NCF4: variants seen among roughly 807,000 people sequenced by gnomAD.
NCF4 encodes neutrophil cytosol factor 4.
Under a neutral mutation model 41.7 loss-of-function variants are expected in NCF4, and 30 were observed. The ratio of observed to expected loss-of-function variants is 0.72; its 90% CI spans 0.54 to 0.97. The LOEUF (loss-of-function observed/expected upper bound fraction) is 0.97. Among genes scored for constraint, NCF4 ranks in the 50% least tolerant of loss-of-function variants. The pLI, the probability that NCF4 is intolerant of heterozygous loss-of-function variation, is 0.00. For synonymous variants in NCF4, 195 were observed against 175.8 expected (o/e 1.11, Z -0.87); for missense variants, 432 against 460.9 (o/e 0.94, Z 0.57).
chr22:36,870,017 G>A (rs1940015396), intron 4 of NCF4: 1 of 329,252 alleles, frequency 3.0e-6, no homozygotes, highest in African/African-American at 2.2e-5. Flanking sequence ...GTGGCCTTGA[G>A]CATATCCCTT....
intron 1 of NCF4, among the ~76,000 whole-genome samples, chr22:36,863,221 G>T (rs1418838321): frequency 6.6e-6 from 1 of 152,172 alleles, no homozygotes; most frequent in East Asian, 1.9e-4. Context: ...GCACTGGGAT[G>T]TAGGGTGAGC....
At chr22:36,861,241 C>A in intron 1 of NCF4, 38 bp downstream of exon 1, 1 of 1,550,222 alleles carries the variant, frequency 6.5e-7, no homozygotes, top group Non-Finnish European at 8.7e-7. Context: ...GGCCTTCTCA[C>A]TGCTCCTCAT....
At chr22:36,863,553 T>C in intron 1 of NCF4, among the ~76,000 whole-genome samples, 1 of 151,192 alleles carries the variant, frequency 6.6e-6, no homozygotes, top group African/African-American at 2.4e-5. Context: ...TCTCATCACG[T>C]TCCACCTCCT....
At chr22:36,863,389 G>C (rs1939830465) in intron 1 of NCF4, among the ~76,000 whole-genome samples, 1 of 151,660 alleles carries the variant, frequency 6.6e-6, no homozygotes, top group South Asian at 2.1e-4. Flanking sequence ...TGATCTTCTT[G>C]TCCCCAGTGC....
At chr22:36,875,804 G>T in intron 8 of NCF4, 21 bp downstream of exon 8, 2 of 1,614,100 alleles carry the variant, frequency 1.2e-6, no homozygotes, top group Non-Finnish European at 1.7e-6. Flanking sequence ...TGGGAGGGAG[G>T]GGCCTGTCCA....
chr22:36,871,595 G>C (rs1940055766), intron 5 of NCF4, 57 bp from the exon 6 acceptor site: 17 of 1,538,192 alleles, frequency 1.1e-5, no homozygotes, highest in Non-Finnish European at 1.5e-5. Flanking sequence ...CACAGGAGCA[G>C]GAAGCTGGGC....
chr22:36,867,502 T>C (rs750091564), intron 4 of NCF4, 40 bp downstream of exon 4: 46 of 1,606,650 alleles, frequency 2.9e-5, no homozygotes, highest in African/African-American at 2.7e-5. Context: ...TGGAAGGGCA[T>C]GCAGTATTGG....
intron 5 of NCF4, among the ~76,000 whole-genome samples, chr22:36,870,892 C>T (rs928617428): frequency 6.6e-6 from 1 of 152,216 alleles, no homozygotes; most frequent in Admixed American, 6.5e-5. Context: ...CAAACATTCT[C>T]TGAGCATCTC....
In NCF4 at chr22:36,870,432, G is replaced by C; in HGVS notation, c.360G>C (p.Pro120=). The C allele has an allele frequency of 1.2e-6, 2 of 1,613,956 alleles. No individual in the cohort carries two copies. Among genetic ancestry groups the C allele is most frequent in the Non-Finnish European group, 1.7e-6 (2 of 1,180,032 alleles). The change falls in exon 5 of 10, where the codon CCG becomes CCC. Residue 120 remains proline, a synonymous_variant. Coordinates refer to ENST00000248899, the MANE Select transcript of NCF4 (RefSeq NM_000631.5). ...NAYMKSLLSL[P]VWVLMDEDVR... ...CCACACAGAGCCTGCTCAGCCTGCCGGTCTGGGTGCTGATGGATGAGGACG... is the reference window on the plus strand; with the variant it reads ...CCACACAGAGCCTGCTCAGCCTGCCCGTCTGGGTGCTGATGGATGAGGACG...
At chr22:36,864,521 CCT>C (rs1251745475) in intron 2 of NCF4, among the ~76,000 whole-genome samples, 1 of 152,102 alleles carries the variant, frequency 6.6e-6, no homozygotes, top group Non-Finnish European at 1.5e-5. Flanking sequence ...CCACAACACC[CCT>C]GTCATATTCA....
At chr22:36,866,676 A>G (rs1291618936) in intron 3 of NCF4, among the ~76,000 whole-genome samples, 1 of 152,130 alleles carries the variant, frequency 6.6e-6, no homozygotes, top group Non-Finnish European at 1.5e-5. Context: ...GGCAGGTTTC[A>G]GACTTGCTTC....
At chr22:36,866,537 G>C (rs1939930849) in intron 3 of NCF4, among the ~76,000 whole-genome samples, 2 of 152,062 alleles carry the variant, frequency 1.3e-5, no homozygotes, top group Non-Finnish European at 2.9e-5. Context: ...CACTCACCCT[G>C]GCAAACTGAC....
Position 36,877,657 on chromosome 22 carries a change from T to C in NCF4, c.854T>C (p.Leu285Pro). 1 of 1,614,214 alleles carries C rather than the reference T, an allele frequency of 6.2e-7. No homozygotes were observed. The change falls in exon 10 of 10, where the codon CTG (leucine) becomes CCG (proline). Residue 285 changes from leucine to proline, a missense_variant. Coordinates refer to ENST00000248899, the MANE Select transcript of NCF4 (RefSeq NM_000631.5). ...GAGTTCCAGAGAGAGGACATAGCTC[T>C]GAATTACCGGGACGCTGAGGGGGAT... Reference protein sequence around the residue: ...RREFQREDIALNYRDAEGDLV... With the variant: ...RREFQREDIAPNYRDAEGDLV...
intron 7 of NCF4, among the ~76,000 whole-genome samples, chr22:36,874,633 G>GA (rs1281084212): frequency 1.3e-5 from 2 of 152,208 alleles, no homozygotes; most frequent in Non-Finnish European, 2.9e-5. Context: ...GCCTCAGGTT[G>GA]AAGGTGGGGG....
At chr22:36,866,837 C>A (rs966781138) in intron 3 of NCF4, among the ~76,000 whole-genome samples, 1 of 152,204 alleles carries the variant, frequency 6.6e-6, no homozygotes, top group Non-Finnish European at 1.5e-5. Flanking sequence ...ATCCACTTAA[C>A]AAATGCTCAT....
rs564821226 is a variant in NCF4, at chr22:36,867,525, C to A, written c.342+63C>A. ...CATGCAGTATTGGTGGGGGAGCCCA[C>A]GTACCATCCCTGGGTATGGCTTTGG... On this transcript the variant is annotated intron_variant, in intron 4 of 9. Transcript: ENST00000248899. The A allele has an allele frequency of 1.1e-3, 1,676 of 1,552,006 alleles. 35 individuals are homozygous for A. In the South Asian group the frequency reaches 0.017, roughly 16 times the overall value.
chr22:36,863,213 A>G (rs952753028), intron 1 of NCF4, among the ~76,000 whole-genome samples: 5 of 152,240 alleles, frequency 3.3e-5, no homozygotes, highest in Middle Eastern at 3.4e-3. Context: ...TGTTCTGGGC[A>G]CTGGGATGTA....
chr22:36,861,024 C>A lies in NCF4; in HGVS notation c.-148C>A, dbSNP rs1055635128. The A allele has an allele frequency of 9.5e-7, 1 of 1,052,030 alleles. No individual in the cohort carries two copies. Among genetic ancestry groups the A allele is most frequent in the Admixed American group, 2.0e-5 (1 of 50,226 alleles). 65.2% of individuals were successfully genotyped at this position (1,052,030 alleles called of 1,614,324 possible). On this transcript the variant is annotated 5_prime_UTR_variant, in exon 1 of 10. Coordinates refer to ENST00000248899, the MANE Select transcript of NCF4 (RefSeq NM_000631.5). ...CTCTGCCAGACTGGAGAGAAGCAGG[C>A]CTGAGCCTCCCCAAAGGCAGCTCCT... is the stretch of plus-strand genomic sequence containing the variant.
chr22:36,864,372 C>T (rs1354986449), intron 2 of NCF4, among the ~76,000 whole-genome samples: 1 of 152,242 alleles, frequency 6.6e-6, no homozygotes, highest in African/African-American at 2.4e-5. Context: ...AAACACCCCA[C>T]TGTGCACATG....
Sources: allele counts gnomAD v4.1 joint callset (sites outside exome capture counted in the v4.1 genomes callset), GRCh38; gene constraint gnomAD v4.1.1; transcripts MANE v1.5; gene names NCBI Gene and HGNC (gene_info 2026-07-23, HGNC 2026-07-21).